CSMD1: variants seen among roughly 807,000 people sequenced by gnomAD.
CSMD1 encodes CUB and Sushi multiple domains 1, also known as CUB and sushi domain-containing protein 1.
A neutral mutation model predicts 417.5 loss-of-function variants in CSMD1; 213 were observed. The observed-to-expected ratio is 0.51, with a 90% CI of 0.46 to 0.57. The LOEUF (loss-of-function observed/expected upper bound fraction) is 0.57, where lower values mean the gene tolerates loss of function less well. Among genes scored for constraint, CSMD1 ranks in the 20% least tolerant of loss-of-function variants. CSMD1 has a pLI of 0.00. For synonymous variants in CSMD1, 2,862 were observed against 1,736.8 expected, an observed-to-expected ratio of 1.65 and a Z score of -16.11; for missense variants, 6,923 against 4,529.7, an observed-to-expected ratio of 1.53 and a Z score of -15.17.
rs565632427 is a variant in CSMD1, at chr8:4,015,829, G to A, written c.610+16076C>T. On this transcript the variant is annotated intron_variant, in intron 4 of 69. Transcript: ENST00000635120. ...AAACTTCATTCACTAAGCAAGCGGC[G>A]TAACTTCCCAATAATGGTTCGTATG... Among the ~76,000 whole-genome samples, 9 of 152,222 alleles carry A rather than the reference G, an allele frequency of 5.9e-5. No homozygotes were observed. In the South Asian group the frequency reaches 6.2e-4, roughly 11 times the overall value.
chr8:3,574,649 G>A (rs1240787993), intron 10 of CSMD1, among the ~76,000 whole-genome samples: 3 of 152,170 alleles, frequency 2.0e-5, no homozygotes, highest in African/African-American at 7.2e-5. Context: ...TAATATAGTG[G>A]ATGAGACCTG....
At chr8:4,822,730 T>C (rs1358246896) in intron 1 of CSMD1, among the ~76,000 whole-genome samples, 2 of 152,144 alleles carry the variant, frequency 1.3e-5, no homozygotes, top group Non-Finnish European at 2.9e-5. Context: ...TTCATAAGAA[T>C]GATTCACTAT....
At chr8:4,566,721 C>G (rs1034847294) in intron 2 of CSMD1, among the ~76,000 whole-genome samples, 1 of 137,642 alleles carries the variant, frequency 7.3e-6, no homozygotes, top group South Asian at 2.3e-4. Context: ...TATATACAAA[C>G]AGTTTCAAAT....
chr8:4,277,922 G>T (rs932501216), intron 3 of CSMD1, among the ~76,000 whole-genome samples: 4 of 151,824 alleles, frequency 2.6e-5, no homozygotes, highest in Non-Finnish European at 4.4e-5. Flanking sequence ...TAATTTTTTT[G>T]TATTTTTAGT....
intron 3 of CSMD1, among the ~76,000 whole-genome samples, chr8:4,129,260 C>G (rs1350880909): frequency 3.3e-5 from 5 of 152,090 alleles, no homozygotes; most frequent in African/African-American, 1.2e-4. Flanking sequence ...TCCTGGGGAG[C>G]CTTCAGATCT....
At position 4,736,375 on chromosome 8, in the gene CSMD1, A is replaced by T. The variant is rs188912292; in HGVS notation, c.86-98817T>A. Reference sequence around the variant, plus strand: ...GATCACAATGGTTGGAGGTGCCAAGAAGATTCCAGGAGAGAGAGAGAGAGC... The same window carrying T: ...GATCACAATGGTTGGAGGTGCCAAGTAGATTCCAGGAGAGAGAGAGAGAGC... On this transcript the variant is annotated intron_variant, in intron 1 of 69. Coordinates refer to ENST00000635120, the MANE Select transcript of CSMD1 (RefSeq NM_033225.6). 2.8e-3 allele frequency among the ~76,000 whole-genome samples: 433 copies of T among 152,274 alleles called. 2 individuals carry two copies. Among genetic ancestry groups the T allele is most frequent in the African/African-American group, 9.5e-3 (394 of 41,544 alleles).
At chr8:4,400,159 A>G (rs186448046) in intron 3 of CSMD1, among the ~76,000 whole-genome samples, 2 of 152,354 alleles carry the variant, frequency 1.3e-5, no homozygotes, top group East Asian at 3.9e-4. Context: ...AGCTGTGGTT[A>G]GGGAAGTAAT....
intron 3 of CSMD1, among the ~76,000 whole-genome samples, chr8:4,292,316 G>A (rs1182086052): frequency 2.0e-5 from 3 of 152,002 alleles, no homozygotes; most frequent in East Asian, 1.9e-4. Context: ...GCAGTGTCGC[G>A]ACCTGGGCTC....
At chr8:4,642,067 C>T (rs778193581) in intron 1 of CSMD1, among the ~76,000 whole-genome samples, 5 of 152,200 alleles carry the variant, frequency 3.3e-5, no homozygotes, top group Non-Finnish European at 5.9e-5. Context: ...TACGAAGTGC[C>T]TTGCTTTGGA....
At chr8:4,635,338 G>T (rs531532533) in intron 2 of CSMD1, among the ~76,000 whole-genome samples, 1 of 151,906 alleles carries the variant, frequency 6.6e-6, no homozygotes, top group Non-Finnish European at 1.5e-5. Flanking sequence ...TTCCGCTGTC[G>T]ATCCTGTTAT....
intron 11 of CSMD1, among the ~76,000 whole-genome samples, chr8:3,487,191 C>G (rs966122894): frequency 9.1e-6 from 1 of 110,058 alleles, no homozygotes; most frequent in African/African-American, 3.9e-5. Flanking sequence ...GATGTATTAT[C>G]AGCATACTTT....
At chr8:4,347,000 G>A (rs150356912) in intron 3 of CSMD1, among the ~76,000 whole-genome samples, 1 of 152,048 alleles carries the variant, frequency 6.6e-6, no homozygotes, top group Non-Finnish European at 1.5e-5. Flanking sequence ...TGAGGACAAG[G>A]GCTCCAGGAT....
At chr8:2,973,438 T>C (rs1483421036) in intron 56 of CSMD1, 139 bp from the exon 57 acceptor site, 5 of 835,616 alleles carry the variant, frequency 6.0e-6, no homozygotes, top group Admixed American at 5.0e-5. Context: ...TCTGCAATCT[T>C]GTAAGAAAGA....
At chr8:3,441,673 G>C (rs550246378) in intron 12 of CSMD1, among the ~76,000 whole-genome samples, 1 of 152,168 alleles carries the variant, frequency 6.6e-6, no homozygotes, top group East Asian at 1.9e-4. Flanking sequence ...ATGTGTTCCT[G>C]GTGATGCTGG....
intron 1 of CSMD1, among the ~76,000 whole-genome samples, chr8:4,810,434 A>T (rs1218268028): frequency 1.3e-5 from 2 of 152,170 alleles, no homozygotes; most frequent in African/African-American, 4.8e-5. Context: ...GGGAAACTAA[A>T]CAAGGCCTTT....
At chr8:3,378,501 A>G (rs1810448567) in intron 18 of CSMD1, among the ~76,000 whole-genome samples, 1 of 152,206 alleles carries the variant, frequency 6.6e-6, no homozygotes, top group South Asian at 2.1e-4. Flanking sequence ...AATCCTCCAT[A>G]AAATGCTGGC....
chr8:4,087,923 A>G (rs1800505488), intron 3 of CSMD1, among the ~76,000 whole-genome samples: 4 of 152,102 alleles, frequency 2.6e-5, no homozygotes. Context: ...TGAGGTCAAA[A>G]TTTCCCCTTG....
chr8:4,453,041 C>G (rs1255289426), intron 2 of CSMD1, among the ~76,000 whole-genome samples: 1 of 152,148 alleles, frequency 6.6e-6, no homozygotes, highest in African/African-American at 2.4e-5. Context: ...CTTAGATTTT[C>G]AAGCATGTTG....
chr8:3,923,874 C>T (rs905286696), intron 5 of CSMD1, among the ~76,000 whole-genome samples: 1 of 152,110 alleles, frequency 6.6e-6, no homozygotes, highest in Admixed American at 6.6e-5. Context: ...ATTTGTCTTT[C>T]TTTGCTTGTA....
Sources: allele counts gnomAD v4.1 joint callset (sites outside exome capture counted in the v4.1 genomes callset), GRCh38; gene constraint gnomAD v4.1.1; transcripts MANE v1.5; gene names NCBI Gene and HGNC (gene_info 2026-07-23, HGNC 2026-07-21).